Variants in FNBP1 observed in about 807,000 individuals in gnomAD.
FNBP1 encodes formin binding protein 1, also known as formin-binding protein 1.
In FNBP1, 26 loss-of-function variants were observed where a neutral mutation model predicts 90.6. The ratio of observed to expected loss-of-function variants is 0.29; its 90% CI spans 0.21 to 0.40. The LOEUF (loss-of-function observed/expected upper bound fraction) is 0.40. Ranked by LOEUF, FNBP1 falls within the 10% of genes least tolerant of loss-of-function variation. The pLI, the probability that FNBP1 is intolerant of heterozygous loss-of-function variation, is 1.00. For missense variants in FNBP1, 635 were observed against 768.0 expected, an observed-to-expected ratio of 0.83 and a Z score of 2.05; for synonymous variants, 260 against 265.2, an observed-to-expected ratio of 0.98 and a Z score of 0.19.
intron 11 of FNBP1, among the ~76,000 whole-genome samples, chr9:129,915,644 G>A (rs1380750713): frequency 2.6e-5 from 4 of 152,282 alleles, no homozygotes; most frequent in East Asian, 1.9e-4. Flanking sequence ...GATTACAGGC[G>A]TGAGCCACTG....
rs2036733460 is a variant in FNBP1, at chr9:129,900,606, T to A, written c.1429-59A>T. ...AGGCCATCTGAGGGTCAGCCCAGAGTGTCCTAAGGTCCCAAAGGCCATCTG... is the reference window on the plus strand; with the variant it reads ...AGGCCATCTGAGGGTCAGCCCAGAGAGTCCTAAGGTCCCAAAGGCCATCTG... On this transcript the variant is annotated intron_variant, in intron 13 of 16. Coordinates refer to ENST00000446176, the MANE Select transcript of FNBP1 (RefSeq NM_015033.3). This position sits in a 1 kb window ranked among gnomAD's most constrained non-coding sequence, Gnocchi z 4.1. The A allele has an allele frequency of 7.2e-7, 1 of 1,398,204 alleles. No individual in the cohort carries two copies. The highest frequency in any genetic ancestry group is 9.3e-7 in the Non-Finnish European group (1 of 1,076,556). 86.6% of individuals were successfully genotyped at this position (1,398,204 alleles called of 1,614,324 possible).
At chr9:129,908,182 T>C (rs2038511663) in intron 12 of FNBP1, among the ~76,000 whole-genome samples, 1 of 138,554 alleles carries the variant, frequency 7.2e-6, no homozygotes, top group African/African-American at 2.6e-5. Context: ...TCTCACTATG[T>C]TGCCAAGGCT....
intron 4 of FNBP1, among the ~76,000 whole-genome samples, chr9:129,974,847 G>A (rs2050057116): frequency 6.9e-6 from 1 of 143,946 alleles, no homozygotes; most frequent in African/African-American, 2.6e-5. Flanking sequence ...GCAACAGAAT[G>A]AGACCCTGAA....
At chr9:129,920,949 G>A (rs563649875) in intron 10 of FNBP1, among the ~76,000 whole-genome samples, 1 of 152,066 alleles carries the variant, frequency 6.6e-6, no homozygotes, top group Non-Finnish European at 1.5e-5. Context: ...AGTTCTAAAC[G>A]CCAGCATCGT....
At position 129,939,283 on chromosome 9, in the gene FNBP1, G is replaced by T. The variant is rs571508060; in HGVS notation, c.514-9588C>A. 2.6e-5 allele frequency among the ~76,000 whole-genome samples: 4 copies of T among 152,122 alleles called. No individual in the cohort carries two copies. In the East Asian group the frequency reaches 7.8e-4, roughly 29 times the overall value. On this transcript the variant is annotated intron_variant, in intron 6 of 16. Coordinates refer to ENST00000446176, the MANE Select transcript of FNBP1 (RefSeq NM_015033.3). Reference sequence around the variant, plus strand: ...ATGTGCCTGTAATCCCAGATACTTGGGAGGCTGAGGCAGGAGAATCGCTTG... The same window carrying T: ...ATGTGCCTGTAATCCCAGATACTTGTGAGGCTGAGGCAGGAGAATCGCTTG...
At position 129,994,894 on chromosome 9, in the gene FNBP1, T is replaced by G; in HGVS notation, c.89A>C (p.Lys30Thr). 1 of 1,610,184 alleles carries G rather than the reference T, an allele frequency of 6.2e-7. No homozygotes were observed. The highest frequency in any genetic ancestry group is 1.3e-5 in the African/African-American group (1 of 74,982). Residue 30 changes from lysine to threonine, a missense_variant, in exon 2 of 17, where the codon AAG becomes ACG. Physicochemically the swap from Lys to Thr is moderately conservative, Grantham distance 78 (BLOSUM62 -1). Coordinates refer to ENST00000446176, the MANE Select transcript of FNBP1 (RefSeq NM_015033.3). ...AATCTCTGTCCTTTCTTTCACAAAC[T>G]TGATATATTTCTCAAGAATATCAAT... ...WGIDILEKYI[K>T]FVKERTEIEL... is the part of the protein sequence containing the mutation.
At chr9:129,954,859 G>A (rs1564422252) in intron 6 of FNBP1, among the ~76,000 whole-genome samples, 3 of 151,962 alleles carry the variant, frequency 2.0e-5, no homozygotes, top group Non-Finnish European at 2.9e-5. Context: ...TTAGCTGGGC[G>A]TGGTGACGCC....
At position 129,908,999 on chromosome 9, in the gene FNBP1, C is replaced by T. The variant is rs1238053810; in HGVS notation, c.1186G>A (p.Gly396Ser). The T allele has an allele frequency of 1.9e-6, 3 of 1,602,658 alleles. No homozygotes were observed. The highest frequency in any genetic ancestry group is 2.6e-6 in the Non-Finnish European group (3 of 1,170,134). Residue 396 changes from glycine to serine, a missense_variant and splice_region_variant, in exon 12 of 17, where the codon GGT becomes AGT. Physicochemically the swap from Gly to Ser is moderately conservative, Grantham distance 56. Coordinates refer to ENST00000446176, the MANE Select transcript of FNBP1 (RefSeq NM_015033.3). ...SLKRGLSLKL[G>S]ATPEDFSNLP... ...TTGCTGAAATCCTCCGGTGTTGCAC[C>T]CTGCAGACACAAATATAAATGAGAA...
rs758336640 is a variant in FNBP1 at position 129,994,913 on chromosome 9, T to C, written c.70A>G (p.Ile24Val). 8.7e-6 allele frequency: 14 copies of C among 1,608,618 alleles called. No individual in the cohort carries two copies. In the African/African-American group the frequency reaches 1.6e-4, roughly 18 times the overall value. ...LEKHTQWGID[I>V]LEKYIKFVKE... is the part of the protein sequence containing the mutation. ...ACAAACTTGATATATTTCTCAAGAATATCAATTCCCCACTGTGTGTGTTTT... is the reference window on the plus strand; with the variant it reads ...ACAAACTTGATATATTTCTCAAGAACATCAATTCCCCACTGTGTGTGTTTT... The change falls in exon 2 of 17, where the codon ATT (isoleucine) becomes GTT (valine). Residue 24 changes from isoleucine (I) to valine (V), a missense_variant. Transcript: ENST00000446176.
At chr9:130,016,756 G>A (rs1294357467) in intron 1 of FNBP1, among the ~76,000 whole-genome samples, 4 of 152,022 alleles carry the variant, frequency 2.6e-5, no homozygotes, top group East Asian at 1.9e-4. Flanking sequence ...AAAAAGAAAA[G>A]AAAAGAAAAT....
chr9:130,048,580 A>G, the FNBP1 span, among the ~76,000 whole-genome samples: 2 of 139,658 alleles, frequency 1.4e-5, no homozygotes, highest in South Asian at 2.4e-4. Context: ...CAGGGTTCAC[A>G]TCATTCTCCT....
Position 129,940,177 on chromosome 9 carries a change from G to A in FNBP1, c.514-10482C>T, listed in dbSNP as rs118097722. 7.4e-3 allele frequency among the ~76,000 whole-genome samples: 1,122 copies of A among 152,124 alleles called. 24 individuals carry two copies. Among genetic ancestry groups the A allele is most frequent in the Admixed American group, 0.045 (689 of 15,256 alleles). On this transcript the variant is annotated intron_variant, in intron 6 of 16. Transcript: ENST00000446176. ...GATTGTCCCACTGTACTTCAGCCTG[G>A]GCTTAGGTGACAGAATAAGACCCTC...
Position 129,932,516 on chromosome 9 carries a change from C to T in FNBP1, c.514-2821G>A, listed in dbSNP as rs543705519. Among the ~76,000 whole-genome samples, 3 of 152,234 alleles carry T rather than the reference C, an allele frequency of 2.0e-5. 1 individual carries two copies. The highest frequency in any genetic ancestry group is 4.1e-4 in the South Asian group (2 of 4,824). On this transcript the variant is annotated intron_variant, in intron 6 of 16. Coordinates refer to ENST00000446176, the MANE Select transcript of FNBP1 (RefSeq NM_015033.3). ...AATTCACAGTTGCTTCCCTTATTTT[C>T]TTCCCTATTCACACGTGAACACTTC...
chr9:130,017,892 T>A (rs1305996122), intron 1 of FNBP1, among the ~76,000 whole-genome samples: 4 of 143,712 alleles, frequency 2.8e-5, no homozygotes, highest in Non-Finnish European at 4.6e-5. Flanking sequence ...TTTTTTTTTT[T>A]ACCTCCCCAA....
chr9:129,953,680 G>A (rs2046500933), intron 6 of FNBP1, among the ~76,000 whole-genome samples: 1 of 151,916 alleles, frequency 6.6e-6, no homozygotes, highest in Non-Finnish European at 1.5e-5. Flanking sequence ...GGGATACAGA[G>A]AAAACAGTAC....
intron 1 of FNBP1, among the ~76,000 whole-genome samples, chr9:130,006,719 T>C (rs1286414456): frequency 6.6e-6 from 1 of 152,152 alleles, no homozygotes; most frequent in Admixed American, 6.5e-5. Context: ...TTAATTGTTA[T>C]AATTAGTCAT....
intron 1 of FNBP1, among the ~76,000 whole-genome samples, chr9:130,009,890 A>G (rs2056312814): frequency 6.6e-6 from 1 of 151,900 alleles, no homozygotes; most frequent in Admixed American, 6.6e-5. Flanking sequence ...GAGGCAAGAG[A>G]ATCCATTGAA....
chr9:129,965,694 ACACGCGCGCGCGCG>A (rs2048452528), intron 4 of FNBP1, among the ~76,000 whole-genome samples: 1 of 119,354 alleles, frequency 8.4e-6, no homozygotes, highest in Admixed American at 9.0e-5. Context: ...ACACACACAC[ACACGCGCGCGCGCG>A]CACACACACA....
intron 7 of FNBP1, among the ~76,000 whole-genome samples, chr9:129,928,761 G>A (rs1329264963): frequency 2.6e-5 from 4 of 152,082 alleles, no homozygotes; most frequent in Non-Finnish European, 4.4e-5. Flanking sequence ...TTAATCTTGA[G>A]ATTATTATAT....
Sources: gnomAD v4.1 joint callset for allele counts (sites outside exome capture counted in the v4.1 genomes callset) on GRCh38, gnomAD v4.1.1 for gene constraint, Gnocchi (gnomAD v3.1) non-coding constraint, MANE v1.5 for transcripts, NCBI Gene and HGNC (gene_info 2026-07-23, HGNC 2026-07-21) for gene names.